FOXN3: variants seen among roughly 807,000 people sequenced by gnomAD.
FOXN3 encodes forkhead box N3.
FOXN3 carries 7 observed loss-of-function variants against 38.4 expected under a neutral mutation model. The observed-to-expected ratio is 0.18, with a 90% CI of 0.10 to 0.34. The LOEUF (loss-of-function observed/expected upper bound fraction) is 0.34. Among genes scored for constraint, FOXN3 ranks in the 10% least tolerant of loss-of-function variants. FOXN3 has a pLI of 1.00. For missense variants in FOXN3, 456 were observed against 613.4 expected (o/e 0.74, Z 2.71); for synonymous variants, 230 against 242.2 (o/e 0.95, Z 0.47).
At chr14:89,420,974 G>T (rs1430252405), upstream of FOXN3, among the ~76,000 whole-genome samples, 1 of 149,568 alleles carries the variant, frequency 6.7e-6, no homozygotes, top group South Asian at 2.1e-4. Flanking sequence ...AAAACCAGCA[G>T]AACAACTCAG....
chr14:89,171,662 T>C (rs1233816111), intron 5 of FOXN3, among the ~76,000 whole-genome samples: 2 of 152,168 alleles, frequency 1.3e-5, no homozygotes, highest in Non-Finnish European at 2.9e-5. Flanking sequence ...ATCTTAACAA[T>C]GCAAACTTTT....
chr14:89,546,814 C>T (rs1027528113), intron 1 of FOXN3, among the ~76,000 whole-genome samples: 1 of 152,080 alleles, frequency 6.6e-6, no homozygotes, highest in African/African-American at 2.4e-5. Context: ...CACAGAGTCT[C>T]GCTCTGTCAG....
intron 1 of FOXN3, among the ~76,000 whole-genome samples, chr14:89,547,070 T>C (rs1468850708): frequency 6.6e-6 from 1 of 151,784 alleles, no homozygotes; most frequent in Non-Finnish European, 1.5e-5. Flanking sequence ...CAGGCGAGAG[T>C]CACCACACCA....
chr14:89,191,329 G>A (rs1887935741), intron 4 of FOXN3, among the ~76,000 whole-genome samples: 2 of 152,230 alleles, frequency 1.3e-5, no homozygotes, highest in Admixed American at 6.5e-5. Context: ...CCCCAGCGCA[G>A]CGTCCCAGCT....
In FOXN3 at chr14:89,475,397, T is replaced by G. The variant is rs557986834; in HGVS notation, c.-14-62907A>C. Among the ~76,000 whole-genome samples the G allele has an allele frequency of 5.9e-5, 9 of 152,310 alleles. No individual in the cohort carries two copies. The South Asian group carries it at 1.9e-3, about 32-fold the overall frequency. ...ACTGCTAGGAGCAGTGGCTCACGCC[T>G]GTATTTCCAGCACATTGGGAGGCTG... On this transcript the variant is annotated intron_variant, in intron 1 of 6. Coordinates refer to the FOXN3 transcript ENST00000345097.
chr14:89,349,839 G>A (rs1888897228), intron 3 of FOXN3: 1 of 152,190 alleles, frequency 6.6e-6, no homozygotes. Flanking sequence ...ATGACATCAT[G>A]CCATCCCTAA....
chr14:89,514,828 A>T (rs1290959242), intron 1 of FOXN3, among the ~76,000 whole-genome samples: 1 of 152,154 alleles, frequency 6.6e-6, no homozygotes, highest in Non-Finnish European at 1.5e-5. Flanking sequence ...TGAAAAGAAG[A>T]GGAGAGGTCC....
rs116126966 is a variant in FOXN3 at position 89,180,579 on chromosome 14, C to G, written c.851+122G>C. ...ACTTTCACATTTCTGAGCACGCAAA[C>G]CAGGTTTATTGCTGTCACTAGTTCG... On this transcript the variant is annotated intron_variant, in intron 5 of 5. Transcript: ENST00000557258. 967 of 602,726 alleles carry G rather than the reference C, an allele frequency of 1.6e-3. 16 individuals carry two copies. The African/African-American group carries it at 0.017, about 10-fold the overall frequency. 37.3% of individuals were successfully genotyped at this position (602,726 alleles called of 1,614,324 possible).
chr14:89,339,187 T>C (rs773253598), intron 3 of FOXN3, among the ~76,000 whole-genome samples: 1 of 152,180 alleles, frequency 6.6e-6, no homozygotes, highest in Non-Finnish European at 1.5e-5. Context: ...TTGGCCAGGC[T>C]GGTCTCAAAC....
chr14:89,331,747 A>C (rs924278529), intron 3 of FOXN3, among the ~76,000 whole-genome samples: 1 of 152,256 alleles, frequency 6.6e-6, no homozygotes, highest in African/African-American at 2.4e-5. Context: ...AACTGAAACA[A>C]AGGTTTCACA....
At chr14:89,607,592 G>A (rs2139948453) in intron 1 of FOXN3, among the ~76,000 whole-genome samples, 1 of 150,770 alleles carries the variant, frequency 6.6e-6, no homozygotes, top group Non-Finnish European at 1.5e-5. Context: ...CAAGTTTGCT[G>A]CCCATGCACA....
intron 1 of FOXN3, among the ~76,000 whole-genome samples, chr14:89,481,806 T>C (rs1409396081): frequency 6.6e-6 from 1 of 152,100 alleles, no homozygotes; most frequent in Non-Finnish European, 1.5e-5. Context: ...CAATAAACAG[T>C]AGCTAACATT....
At chr14:89,343,229 G>A (rs918110249) in intron 3 of FOXN3, among the ~76,000 whole-genome samples, 10 of 152,252 alleles carry the variant, frequency 6.6e-5, no homozygotes, top group African/African-American at 1.9e-4. Flanking sequence ...AATTAACACC[G>A]TTATGTTAAC....
At chr14:89,463,711 A>G (rs180690154) in intron 1 of FOXN3, among the ~76,000 whole-genome samples, 103 of 151,992 alleles carry the variant, frequency 6.8e-4, no homozygotes, top group African/African-American at 2.4e-3. Flanking sequence ...GCCATAAGTT[A>G]CTAGGGCTCC....
intron 1 of FOXN3, among the ~76,000 whole-genome samples, chr14:89,481,920 T>C (rs1269972861): frequency 6.6e-6 from 1 of 152,166 alleles, no homozygotes; most frequent in Non-Finnish European, 1.5e-5. Flanking sequence ...ATGGTAATTA[T>C]ATGGGGTAAA....
intron 1 of FOXN3, among the ~76,000 whole-genome samples, chr14:89,501,913 C>A (rs542936779): frequency 6.6e-6 from 1 of 152,182 alleles, no homozygotes; most frequent in East Asian, 1.9e-4. Flanking sequence ...CACCTGTAAT[C>A]CCAGCACTTT....
Position 89,511,153 on chromosome 14 carries a change from C to CTTTCTTTCTTTCTTTCTTTCTT in FOXN3, c.-14-98685_-14-98664dup, listed in dbSNP as rs1566680838. Among the ~76,000 whole-genome samples the CTTTCTTTCTTTCTTTCTTTCTT allele has an allele frequency of 4.8e-4, 10 of 20,640 alleles. 2 individuals carry two copies. Among genetic ancestry groups the CTTTCTTTCTTTCTTTCTTTCTT allele is most frequent in the Admixed American group, 1.1e-3 (1 of 878 alleles). The allele number at this position is 20,640 out of a possible 152,430, so 13.5% of individuals were successfully genotyped here. A position where few individuals can be genotyped will look rare whatever the true frequency, so the allele number is the denominator to read the frequency against. On this transcript the variant is annotated intron_variant, in intron 1 of 6. Transcript: ENST00000345097. ...CTTTCTTTCTTTCTTTTCTTTCTTT[C>CTTTCTTTCTTTCTTTCTTTCTT]TTTCTTTCTTTCTTTCTTTCTTTCT...
At chr14:89,345,673 T>C (rs764670028) in intron 3 of FOXN3, among the ~76,000 whole-genome samples, 1 of 152,134 alleles carries the variant, frequency 6.6e-6, no homozygotes. Context: ...ATCATTCTCA[T>C]GCCTTTCCTT....
intron 1 of FOXN3, among the ~76,000 whole-genome samples, chr14:89,480,508 A>G (rs1434823443): frequency 6.6e-6 from 1 of 152,136 alleles, no homozygotes; most frequent in Middle Eastern, 3.2e-3. Flanking sequence ...GTCTCAAAGC[A>G]TCAGACTCCA....
Sources: gnomAD v4.1 joint callset for allele counts (sites outside exome capture counted in the v4.1 genomes callset) on GRCh38, gnomAD v4.1.1 for gene constraint, MANE v1.5 for transcripts, NCBI Gene and HGNC (gene_info 2026-07-23, HGNC 2026-07-21) for gene names.